NEBL: variants seen among roughly 807,000 people sequenced by gnomAD.
NEBL encodes LIM and SH3 protein 2.
NEBL carries 122 observed loss-of-function variants against 140.2 expected under a neutral mutation model. That is an observed-to-expected ratio of 0.87 (90% confidence interval 0.75 to 1.01). The LOEUF (loss-of-function observed/expected upper bound fraction) is 1.01, where lower values mean the gene tolerates loss of function less well. NEBL is among the 50% of genes least tolerant of loss of function. The probability of loss-of-function intolerance (pLI) is 0.00; values close to 1 mark genes in which losing one functional copy is unlikely to be tolerated. For synonymous variants in NEBL, 436 were observed against 398.9 expected (o/e 1.09, Z -1.11); for missense variants, 1,365 against 1,231.3 (o/e 1.11, Z -1.62).
chr10:20,969,846 CA>C (rs1836494110), intron 3 of NEBL, among the ~76,000 whole-genome samples: 1 of 151,666 alleles, frequency 6.6e-6, no homozygotes, highest in South Asian at 2.1e-4. Context: ...TGCCTGGCCC[CA>C]AAAAGCACCT....
chr10:20,867,539 A>T (rs1844422367), intron 7 of NEBL, among the ~76,000 whole-genome samples: 1 of 152,164 alleles, frequency 6.6e-6, no homozygotes, highest in Admixed American at 6.6e-5. Flanking sequence ...TTACATAGTT[A>T]ATGTGCCTAC....
intron 3 of NEBL, among the ~76,000 whole-genome samples, chr10:20,974,253 T>TA (rs2131643717): frequency 7.7e-6 from 1 of 129,616 alleles, no homozygotes; most frequent in South Asian, 2.3e-4. Context: ...GTTTTTTTTC[T>TA]TTTTTTTTTT....
intron 3 of NEBL, among the ~76,000 whole-genome samples, chr10:20,982,429 G>A (rs1837089304): frequency 6.6e-6 from 1 of 152,144 alleles, no homozygotes; most frequent in South Asian, 2.1e-4. Context: ...GTTACTATTT[G>A]AGCTTCTGGT....
intron 3 of NEBL, among the ~76,000 whole-genome samples, chr10:21,224,124 G>A (rs7075704): frequency 3.9e-5 from 6 of 152,008 alleles, no homozygotes; most frequent in Admixed American, 2.6e-4. Flanking sequence ...CAATGTTTTC[G>A]TTTAGTAGTT....
In NEBL at chr10:21,082,535, T is replaced by TA. The variant is rs61234594; in HGVS notation, c.165-62335dup. ...AGTTTGAAGTGTTCCCCACCACCAC[T>TA]AAAAAAAAAAAAAAAAAAAAAAAAA... On this transcript the variant is annotated intron_variant, in intron 2 of 6. Transcript: ENST00000417816. Among the ~76,000 whole-genome samples the TA allele has an allele frequency of 7.3e-3, 859 of 117,132 alleles. 22 individuals are homozygous for TA. The highest frequency in any genetic ancestry group is 0.024 in the African/African-American group (606 of 25,168). The allele number at this position is 117,132 out of a possible 152,430, so 76.8% of individuals were successfully genotyped here.
At chr10:20,910,721 T>C (rs1266708968) in intron 4 of NEBL, among the ~76,000 whole-genome samples, 1 of 152,210 alleles carries the variant, frequency 6.6e-6, no homozygotes, top group Non-Finnish European at 1.5e-5. Context: ...CAAATTTATC[T>C]ACCTATCTAC....
chr10:20,819,786 G>A (rs1368084233), intron 19 of NEBL, among the ~76,000 whole-genome samples: 5 of 151,992 alleles, frequency 3.3e-5, no homozygotes, highest in South Asian at 2.1e-4. Flanking sequence ...GTGCAGTGGC[G>A]TCATCACAGC....
chr10:21,157,172 T>C (rs1840366150), intron 2 of NEBL, among the ~76,000 whole-genome samples: 1 of 152,186 alleles, frequency 6.6e-6, no homozygotes, highest in Non-Finnish European at 1.5e-5. Context: ...ACAGACACTG[T>C]GGTCAACTCG....
intron 2 of NEBL, among the ~76,000 whole-genome samples, chr10:21,102,713 C>T (rs941770332): frequency 6.6e-6 from 1 of 152,106 alleles, no homozygotes; most frequent in Non-Finnish European, 1.5e-5. Flanking sequence ...TAACCATGTA[C>T]CTGTTGGAAT....
At chr10:21,240,994 T>C (rs1204493161) in intron 3 of NEBL, among the ~76,000 whole-genome samples, 1 of 151,870 alleles carries the variant, frequency 6.6e-6, no homozygotes, top group Non-Finnish European at 1.5e-5. Flanking sequence ...GAGAATTTTC[T>C]ACTGAGCCCC....
Position 20,850,466 on chromosome 10 carries a change from T to C in NEBL, c.1045A>G (p.Lys349Glu). The C allele has an allele frequency of 6.2e-7, 1 of 1,611,072 alleles. No homozygotes were observed. Among genetic ancestry groups the C allele is most frequent in the Non-Finnish European group, 8.5e-7 (1 of 1,177,338 alleles). ...GTCTCAACAAATTCAAGCATTGGCT[T>C]TCCCTTATTTTTCTCATATTCTTCT... is the stretch of plus-strand genomic sequence containing the variant. ...YKEEYEKNKG[K>E]PMLEFVETPS... The change falls in exon 11 of 28, where the codon AAG (lysine) becomes GAG (glutamate). Residue 349 changes from lysine (K) to glutamate (E), a missense_variant. By Grantham distance (56) the Lys-to-Glu change is moderately conservative. Transcript: ENST00000377122.
Position 20,924,546 on chromosome 10 carries a change from A to G in NEBL, c.357+37126T>C, listed in dbSNP as rs188001338. ...TATAAAAAAAAAAAAAAATCCCAGC[A>G]GGTAGCTAAGCACCAAGCACATAAC... On this transcript the variant is annotated intron_variant, in intron 4 of 6. Coordinates refer to the NEBL transcript ENST00000417816. Among the ~76,000 whole-genome samples, 370 of 149,788 alleles carry G rather than the reference A, an allele frequency of 2.5e-3. 9 individuals are homozygous for G. The highest frequency in any genetic ancestry group is 3.7e-3 in the East Asian group (19 of 5,102).
intron 3 of NEBL, among the ~76,000 whole-genome samples, chr10:21,219,762 T>G (rs1258747858): frequency 6.6e-6 from 1 of 152,184 alleles, no homozygotes; most frequent in Non-Finnish European, 1.5e-5. Flanking sequence ...TCAACTACCT[T>G]TATCAATATT....
At chr10:21,067,051 A>C (rs907178701) in intron 2 of NEBL, among the ~76,000 whole-genome samples, 7 of 141,240 alleles carry the variant, frequency 5.0e-5, no homozygotes, top group African/African-American at 7.9e-5. Flanking sequence ...CCACTCACTG[A>C]AAGCTCCGCC....
At chr10:21,097,442 G>C (rs1009919190) in intron 2 of NEBL, among the ~76,000 whole-genome samples, 1 of 152,168 alleles carries the variant, frequency 6.6e-6, no homozygotes, top group Admixed American at 6.5e-5. Flanking sequence ...CTGGGCAACA[G>C]AGTGAGACTC....
chr10:20,989,627 A>C lies in NEBL; in HGVS notation c.250-27848T>G, dbSNP rs138392598. 5.9e-3 allele frequency among the ~76,000 whole-genome samples: 903 copies of C among 152,330 alleles called. 9 individuals are homozygous for C. Among genetic ancestry groups the C allele is most frequent in the African/African-American group, 0.021 (857 of 41,560 alleles). ...AGAAGAAAAATATTACAAAAACTTC[A>C]TGAAGTACTAGCATGGGACTAGATA... On this transcript the variant is annotated intron_variant, in intron 3 of 6. Transcript: ENST00000417816.
intron 2 of NEBL, chr10:21,125,726 T>C (rs573542420): frequency 2.8e-5 from 24 of 865,998 alleles, no homozygotes; most frequent in Admixed American, 1.1e-4. Context: ...GCCTTTGAAG[T>C]CACATGTGCT....
At chr10:20,883,815 T>C (rs1003851883) in intron 4 of NEBL, among the ~76,000 whole-genome samples, 5 of 152,210 alleles carry the variant, frequency 3.3e-5, no homozygotes, top group African/African-American at 9.6e-5. Flanking sequence ...AATTTTCTAC[T>C]TGCAGCATTA....
At chr10:21,275,807 A>AATTTTTTTTT (rs1410446130) in intron 1 of NEBL, among the ~76,000 whole-genome samples, 8 of 113,788 alleles carry the variant, frequency 7.0e-5, no homozygotes, top group African/African-American at 2.5e-4. Flanking sequence ...CACCCAGCTA[A>AATTTTTTTTT]TTTTTTTTTT....
Sources: gnomAD v4.1 joint callset for allele counts (sites outside exome capture counted in the v4.1 genomes callset) on GRCh38, gnomAD v4.1.1 for gene constraint, MANE v1.5 for transcripts, NCBI Gene and HGNC (gene_info 2026-07-23, HGNC 2026-07-21) for gene names.